MAF: variants seen among roughly 807,000 people sequenced by gnomAD.
MAF encodes the protein MAF bZIP transcription factor.
MAF carries 10 observed loss-of-function variants against 22.0 expected under a neutral mutation model. The ratio of observed to expected loss-of-function variants is 0.45; its 90% CI spans 0.28 to 0.77. MAF has a LOEUF of 0.77. MAF is among the 30% of genes least tolerant of loss of function. The probability of loss-of-function intolerance (pLI) is 0.12; values close to 1 mark genes in which losing one functional copy is unlikely to be tolerated. For missense variants in MAF, 544 were observed against 548.4 expected (o/e 0.99, Z 0.08); for synonymous variants, 337 against 255.8 (o/e 1.32, Z -3.03).
At chr16:79,556,402 G>T in the MAF span, among the ~76,000 whole-genome samples, 3 of 152,174 alleles carry the variant, frequency 2.0e-5, no homozygotes, top group African/African-American at 4.8e-5. Flanking sequence ...ATCTGGTTTA[G>T]CATGTTGACT....
chr16:79,384,419 T>C, the MAF span, among the ~76,000 whole-genome samples: 1 of 125,768 alleles, frequency 8.0e-6, no homozygotes, highest in African/African-American at 3.1e-5. Flanking sequence ...TATCCCAGCC[T>C]GGGCAACAAG....
chr16:79,540,077 T>A, the MAF span, among the ~76,000 whole-genome samples: 7 of 151,808 alleles, frequency 4.6e-5, no homozygotes, highest in Non-Finnish European at 8.8e-5. Flanking sequence ...AGGGGAAGAA[T>A]TGAGACTGCA....
the MAF span, among the ~76,000 whole-genome samples, chr16:79,419,152 G>A: frequency 3.3e-5 from 5 of 152,204 alleles, no homozygotes; most frequent in African/African-American, 7.2e-5. Flanking sequence ...GGGTGAAGGT[G>A]TGCTGGCCAG....
At chr16:79,280,882 T>A in the MAF span, among the ~76,000 whole-genome samples, 1 of 152,202 alleles carries the variant, frequency 6.6e-6, no homozygotes, top group Non-Finnish European at 1.5e-5. Context: ...TTATTGAGTA[T>A]GAATTGACTC....
At chr16:79,300,311 C>G in the MAF span, among the ~76,000 whole-genome samples, 4 of 152,186 alleles carry the variant, frequency 2.6e-5, no homozygotes, top group Admixed American at 2.0e-4. Flanking sequence ...AATCCCAGCA[C>G]TTTGGGAGGC....
the MAF span, among the ~76,000 whole-genome samples, chr16:79,442,801 A>C: frequency 6.6e-6 from 1 of 152,230 alleles, no homozygotes; most frequent in Admixed American, 6.5e-5. Flanking sequence ...GAGAGACACA[A>C]ATAGGGCAGA....
the MAF span, among the ~76,000 whole-genome samples, chr16:79,446,446 C>G: frequency 6.6e-6 from 1 of 152,054 alleles, no homozygotes; most frequent in East Asian, 1.9e-4. Flanking sequence ...TTAATAGCAC[C>G]CTTTCACCTC....
chr16:79,367,448 C>G, the MAF span, among the ~76,000 whole-genome samples: 1 of 152,184 alleles, frequency 6.6e-6, no homozygotes, highest in African/African-American at 2.4e-5. Flanking sequence ...GCAGTCAGAA[C>G]AAATTCACTG....
chr16:79,502,291 G>C, the MAF span, among the ~76,000 whole-genome samples: 100 of 152,200 alleles, frequency 6.6e-4, no homozygotes, highest in African/African-American at 2.1e-3. Context: ...AAGAGCATTA[G>C]GCTTAACAAG....
chr16:79,521,620 C>T, the MAF span, among the ~76,000 whole-genome samples: 1 of 152,174 alleles, frequency 6.6e-6, no homozygotes, highest in Non-Finnish European at 1.5e-5. Context: ...CTCTCACCCT[C>T]TGCAAACTCA....
the MAF span, among the ~76,000 whole-genome samples, chr16:79,497,100 T>C: frequency 6.6e-6 from 1 of 152,232 alleles, no homozygotes; most frequent in Non-Finnish European, 1.5e-5. Flanking sequence ...TCCACCAAAA[T>C]GCAATGCCAG....
the MAF span, among the ~76,000 whole-genome samples, chr16:79,402,370 G>C: frequency 6.6e-6 from 1 of 152,214 alleles, no homozygotes; most frequent in Non-Finnish European, 1.5e-5. Context: ...TGCTGGCTTG[G>C]AAATGGGGAG....
At chr16:79,333,715 G>A in the MAF span, among the ~76,000 whole-genome samples, 11 of 152,038 alleles carry the variant, frequency 7.2e-5, no homozygotes, top group African/African-American at 2.7e-4. Context: ...ATCACCACAC[G>A]CGGAAACCTA....
the MAF span, among the ~76,000 whole-genome samples, chr16:79,308,305 T>C: frequency 1.6e-4 from 25 of 152,222 alleles, no homozygotes; most frequent in African/African-American, 5.5e-4. Context: ...GGAACCAGAC[T>C]TTTAAGAAGA....
chr16:79,226,220 T>G, the MAF span, among the ~76,000 whole-genome samples: 2 of 152,212 alleles, frequency 1.3e-5, no homozygotes, highest in Non-Finnish European at 2.9e-5. Context: ...TGAGTTCATG[T>G]CCTTTGCAGG....
the MAF span, among the ~76,000 whole-genome samples, chr16:79,533,442 C>T: frequency 6.6e-6 from 1 of 152,092 alleles, no homozygotes; most frequent in Non-Finnish European, 1.5e-5. Context: ...TGCTCTAAAC[C>T]CCAATAAGAA....
At chr16:79,294,409 C>A in the MAF span, among the ~76,000 whole-genome samples, 1 of 152,136 alleles carries the variant, frequency 6.6e-6, no homozygotes, top group African/African-American at 2.4e-5. Flanking sequence ...AAGCTCTTGA[C>A]TACGTGTGAT....
chr16:79,209,829 G>A, the MAF span, among the ~76,000 whole-genome samples: 10 of 152,196 alleles, frequency 6.6e-5, no homozygotes, highest in African/African-American at 2.2e-4. Context: ...TTAGATAAAT[G>A]TGCCAGGTGC....
chr16:79,247,472 T>C, the MAF span, among the ~76,000 whole-genome samples: 1 of 152,196 alleles, frequency 6.6e-6, no homozygotes, highest in Non-Finnish European at 1.5e-5. Context: ...CCCAGTTGAA[T>C]CCAGCCTGAT....
Sources: gnomAD v4.1 joint callset for allele counts (sites outside exome capture counted in the v4.1 genomes callset) on GRCh38, gnomAD v4.1.1 for gene constraint, MANE v1.5 for transcripts, NCBI Gene and HGNC (gene_info 2026-07-23, HGNC 2026-07-21) for gene names.